The following GHR variants were observed in gnomAD, a reference collection of about 807,000 sequenced individuals.
GHR encodes the protein growth hormone receptor.
GHR carries 35 observed loss-of-function variants against 67.1 expected under a neutral mutation model. The observed-to-expected ratio is 0.52, with a 90% CI of 0.40 to 0.69. The LOEUF (loss-of-function observed/expected upper bound fraction) is 0.69, where lower values mean the gene tolerates loss of function less well. Ranked by LOEUF, GHR falls within the 30% of genes least tolerant of loss-of-function variation. The pLI, the probability that GHR is intolerant of heterozygous loss-of-function variation, is 0.00. For synonymous variants in GHR, 272 were observed against 269.1 expected, an observed-to-expected ratio of 1.01 and a Z score of -0.10; for missense variants, 792 against 764.6, an observed-to-expected ratio of 1.04 and a Z score of -0.42.
chr5:42,590,982 G>A (rs942591095), intron 2 of GHR, among the ~76,000 whole-genome samples: 1 of 152,244 alleles, frequency 6.6e-6, no homozygotes, highest in Non-Finnish European at 1.5e-5. Flanking sequence ...AGAACTCCCT[G>A]TTGGCCACCC....
intron 1 of GHR, among the ~76,000 whole-genome samples, chr5:42,480,448 C>T (rs1461019300): frequency 6.6e-6 from 1 of 152,052 alleles, no homozygotes; most frequent in Non-Finnish European, 1.5e-5. Context: ...TCCTTGTTAA[C>T]TTTCTGTCTC....
Position 42,719,593 on chromosome 5 carries a change from A to C in GHR, c.*169A>C. 1 of 682,100 alleles carries C rather than the reference A, an allele frequency of 1.5e-6. No individual in the cohort carries two copies. The highest frequency in any genetic ancestry group is 2.6e-6 in the Non-Finnish European group (1 of 378,352). 42.3% of individuals were successfully genotyped at this position (682,100 alleles called of 1,614,324 possible). A position where few individuals can be genotyped will look rare whatever the true frequency, so the allele number is the denominator to read the frequency against. Reference sequence around the variant, plus strand: ...GTTGAAATATGATGTTAAAAAAATAAGAAGAATGCTTAATCAGATAGATAT... The same window carrying C: ...GTTGAAATATGATGTTAAAAAAATACGAAGAATGCTTAATCAGATAGATAT... On this transcript the variant is annotated 3_prime_UTR_variant, in exon 10 of 10. Coordinates refer to ENST00000230882, the MANE Select transcript of GHR (RefSeq NM_000163.5).
intron 1 of GHR, among the ~76,000 whole-genome samples, chr5:42,498,833 A>G (rs1447936995): frequency 3.3e-5 from 5 of 152,310 alleles, no homozygotes; most frequent in South Asian, 4.1e-4. Flanking sequence ...AATGTGCTCT[A>G]TAGGTACAGA....
intron 3 of GHR, among the ~76,000 whole-genome samples, chr5:42,670,874 A>ATATAT (rs1254302009): frequency 1.8e-3 from 167 of 91,872 alleles, no homozygotes; most frequent in Admixed American, 6.3e-3. Context: ...TTAAAAAAAA[A>ATATAT]AAAAAAATAT....
intron 2 of GHR, among the ~76,000 whole-genome samples, chr5:42,619,257 G>C (rs1307644902): frequency 6.6e-6 from 1 of 152,014 alleles, no homozygotes; most frequent in East Asian, 1.9e-4. Flanking sequence ...GCAACATCTG[G>C]CCTCTTGCAC....
At chr5:42,696,657 T>C (rs1163363068) in intron 5 of GHR, among the ~76,000 whole-genome samples, 1 of 152,166 alleles carries the variant, frequency 6.6e-6, no homozygotes, top group East Asian at 1.9e-4. Context: ...GGAGAAATCA[T>C]CAGTAGTTGT....
intron 1 of GHR, chr5:42,514,228 G>A (rs972121367): frequency 1.3e-5 from 13 of 985,192 alleles, no homozygotes; most frequent in Non-Finnish European, 3.6e-6. Context: ...CAAGTCCACA[G>A]GCAAGATTTG....
chr5:42,635,188 C>G (rs1439264681), intron 3 of GHR, among the ~76,000 whole-genome samples: 6 of 152,172 alleles, frequency 3.9e-5, no homozygotes, highest in African/African-American at 1.4e-4. Flanking sequence ...TTTATGTTGG[C>G]TCTCTCTTGT....
rs191713873 is a variant in GHR, at chr5:42,542,901, C to T, written c.-11-22963C>T. On this transcript the variant is annotated intron_variant, in intron 1 of 9. Coordinates refer to ENST00000230882, the MANE Select transcript of GHR (RefSeq NM_000163.5). ...CTTCATGGTATTTGGTTTTCCATTC[C>T]TGAGTTACTTCTTTTAGAATAGTGG... 1.4e-3 allele frequency among the ~76,000 whole-genome samples: 213 copies of T among 152,200 alleles called. 1 individual carries two copies. Among genetic ancestry groups the T allele is most frequent in the Non-Finnish European group, 2.5e-3 (171 of 67,986 alleles).
intron 6 of GHR, among the ~76,000 whole-genome samples, chr5:42,706,255 C>G (rs1027332927): frequency 6.6e-6 from 1 of 151,654 alleles, no homozygotes; most frequent in African/African-American, 2.4e-5. Context: ...TTGTTTTTGG[C>G]TTGTTGATTT....
At chr5:42,670,386 A>T (rs2112898329) in intron 3 of GHR, among the ~76,000 whole-genome samples, 1 of 152,340 alleles carries the variant, frequency 6.6e-6, no homozygotes, top group Admixed American at 6.5e-5. Context: ...TAGATTAAAG[A>T]CTTAAACATA....
rs186122195 is a variant in GHR at position 42,446,793 on chromosome 5, C to A, written c.-12+22838C>A. Among the ~76,000 whole-genome samples the A allele has an allele frequency of 9.9e-5, 15 of 152,280 alleles. No individual in the cohort carries two copies. In the East Asian group the frequency reaches 1.9e-3, roughly 20 times the overall value. On this transcript the variant is annotated intron_variant, in intron 1 of 9. Coordinates refer to ENST00000230882, the MANE Select transcript of GHR (RefSeq NM_000163.5). ...TGTCAGTATAACACAACACTGTATT[C>A]CACTTTTGAAAACAGCCATCCCTAT...
chr5:42,479,420 C>T (rs1162763238), intron 1 of GHR, among the ~76,000 whole-genome samples: 1 of 152,124 alleles, frequency 6.6e-6, no homozygotes, highest in East Asian at 1.9e-4. Flanking sequence ...AGGGAGGATT[C>T]CCTCTTTTTC....
At chr5:42,708,112 G>A (rs967049070) in intron 6 of GHR, among the ~76,000 whole-genome samples, 1 of 152,026 alleles carries the variant, frequency 6.6e-6, no homozygotes, top group African/African-American at 2.4e-5. Flanking sequence ...ATATAACAAA[G>A]TACAAAAAGT....
chr5:42,678,880 C>A (rs143208638), intron 3 of GHR, among the ~76,000 whole-genome samples: 1 of 150,186 alleles, frequency 6.7e-6, no homozygotes, highest in African/African-American at 2.4e-5. Flanking sequence ...TTTACATGTG[C>A]GTGTGTATAT....
At position 42,711,197 on chromosome 5, in the gene GHR, G is replaced by T. The variant is rs1758439024; in HGVS notation, c.619-10G>T. The T allele has an allele frequency of 6.2e-7, 1 of 1,609,348 alleles. No homozygotes were observed. Among genetic ancestry groups the T allele is most frequent in the Non-Finnish European group, 8.5e-7 (1 of 1,175,844 alleles). On this transcript the variant is annotated splice_polypyrimidine_tract_variant and intron_variant, in intron 6 of 9. Coordinates refer to ENST00000230882, the MANE Select transcript of GHR (RefSeq NM_000163.5). ...TTTGGCCAATATGCGTTTATATTTT[G>T]TCTTGAAAGATGGACCCTATATTGA...
intron 1 of GHR, among the ~76,000 whole-genome samples, chr5:42,449,709 G>T (rs889515549): frequency 1.3e-5 from 2 of 152,266 alleles, no homozygotes; most frequent in South Asian, 2.1e-4. Flanking sequence ...TGCTTGTCTT[G>T]TTCCAGTTCT....
chr5:42,625,633 G>A (rs911045347), intron 2 of GHR, among the ~76,000 whole-genome samples: 8 of 152,126 alleles, frequency 5.3e-5, no homozygotes, highest in Middle Eastern at 3.2e-3. Flanking sequence ...GTTCAGAAAG[G>A]CAGGACAACT....
At chr5:42,676,980 A>T (rs1756601675) in intron 3 of GHR, among the ~76,000 whole-genome samples, 1 of 152,166 alleles carries the variant, frequency 6.6e-6, no homozygotes, top group Non-Finnish European at 1.5e-5. Context: ...AAACTCAGTA[A>T]GCTCAGTACT....
Sources: gnomAD v4.1 joint callset for allele counts (sites outside exome capture counted in the v4.1 genomes callset) on GRCh38, gnomAD v4.1.1 for gene constraint, MANE v1.5 for transcripts, NCBI Gene and HGNC (gene_info 2026-07-23, HGNC 2026-07-21) for gene names.